Variants in MARCHF1 observed in about 807,000 individuals in gnomAD.
The protein encoded by MARCHF1 is membrane associated ring-CH-type finger 1.
A neutral mutation model predicts 54.2 loss-of-function variants in MARCHF1; 40 were observed. The observed-to-expected ratio is 0.74, with a 90% CI of 0.57 to 0.96. MARCHF1 has a LOEUF of 0.96. Among genes scored for constraint, MARCHF1 ranks in the 40% least tolerant of loss-of-function variants. The pLI is 0.00. For missense variants in MARCHF1, 586 were observed against 656.5 expected (o/e 0.89, Z 1.17); for synonymous variants, 236 against 236.3 (o/e 1.00, Z 0.01).
chr4:163,988,132 C>G, intron 3 of MARCHF1, among the ~76,000 whole-genome samples: 1 of 152,144 alleles, frequency 6.6e-6, no homozygotes, highest in Admixed American at 6.5e-5. Context: ...AACCAGCCAG[C>G]ATCACCAGTT....
chr4:164,212,085 G>A lies in MARCHF1; in HGVS notation c.-322-100423C>T, dbSNP rs370572946. On this transcript the variant is annotated intron_variant, in intron 1 of 9. Transcript: ENST00000514618. ...CTCTCAAAGTGATGATGATGATGAT[G>A]ATAAAAAATGGAAGAGGAGGATGAG... Among the ~76,000 whole-genome samples, 14 of 151,944 alleles carry A rather than the reference G, an allele frequency of 9.2e-5. No individual in the cohort carries two copies. The East Asian group carries it at 1.2e-3, about 13-fold the overall frequency.
intron 3 of MARCHF1, among the ~76,000 whole-genome samples, chr4:163,945,808 A>G (rs1338173787): frequency 6.6e-6 from 1 of 152,186 alleles, no homozygotes; most frequent in Non-Finnish European, 1.5e-5. Context: ...CAGTTTAAGA[A>G]AAAAGCTTTC....
At chr4:163,914,198 G>GA (rs1375559987) in intron 3 of MARCHF1, among the ~76,000 whole-genome samples, 1 of 151,876 alleles carries the variant, frequency 6.6e-6, no homozygotes, top group Admixed American at 6.6e-5. Flanking sequence ...AATATTCTTT[G>GA]AAAAATCACT....
At chr4:163,918,826 G>A (rs1419991736) in intron 3 of MARCHF1, among the ~76,000 whole-genome samples, 1 of 151,984 alleles carries the variant, frequency 6.6e-6, no homozygotes, top group African/African-American at 2.4e-5. Flanking sequence ...TAAGCTCTGT[G>A]AGAAAAACAA....
intron 2 of MARCHF1, among the ~76,000 whole-genome samples, chr4:164,046,669 T>A (rs963365603): frequency 3.3e-5 from 5 of 152,166 alleles, no homozygotes; most frequent in Non-Finnish European, 7.4e-5. Flanking sequence ...CACAAATACA[T>A]CAGTCCTAAA....
At chr4:163,756,254 ATTTG>A (rs1746662365) in intron 4 of MARCHF1, among the ~76,000 whole-genome samples, 2 of 152,144 alleles carry the variant, frequency 1.3e-5, no homozygotes, top group African/African-American at 2.4e-5. Context: ...ATGTAATCCT[ATTTG>A]TTTAATTCTT....
intron 2 of MARCHF1, among the ~76,000 whole-genome samples, chr4:164,072,335 T>C (rs1366278379): frequency 1.3e-5 from 2 of 152,198 alleles, no homozygotes; most frequent in Non-Finnish European, 2.9e-5. Flanking sequence ...CCTGTAATGC[T>C]AGTACTTATG....
chr4:164,030,817 C>A (rs924987347), intron 2 of MARCHF1, among the ~76,000 whole-genome samples: 1 of 152,020 alleles, frequency 6.6e-6, no homozygotes, highest in African/African-American at 2.4e-5. Context: ...GAAATTTTTA[C>A]TGAGAAGGTG....
intron 8 of MARCHF1, among the ~76,000 whole-genome samples, chr4:163,580,359 T>C (rs1394261523): frequency 6.6e-6 from 1 of 152,180 alleles, no homozygotes; most frequent in Non-Finnish European, 1.5e-5. Context: ...ATTACAGGTG[T>C]GAGCCACCGC....
intron 5 of MARCHF1, among the ~76,000 whole-genome samples, chr4:163,680,881 C>T (rs749792683): frequency 5.3e-5 from 8 of 151,888 alleles, no homozygotes; most frequent in Non-Finnish European, 1.0e-4. Context: ...TGACTCATTA[C>T]ACTGTAAATT....
chr4:163,877,358 A>T (rs1157463864), intron 3 of MARCHF1, among the ~76,000 whole-genome samples: 1 of 151,916 alleles, frequency 6.6e-6, no homozygotes, highest in Non-Finnish European at 1.5e-5. Flanking sequence ...CTCAACCCTC[A>T]TTGCACATCA....
At chr4:164,018,803 CATG>C (rs1469258515) in intron 2 of MARCHF1, among the ~76,000 whole-genome samples, 9 of 152,138 alleles carry the variant, frequency 5.9e-5, no homozygotes, top group African/African-American at 2.2e-4. Flanking sequence ...CAGAATGTGA[CATG>C]GTGGTTTTCA....
intron 1 of MARCHF1, among the ~76,000 whole-genome samples, chr4:164,378,652 C>T (rs1244312654): frequency 6.6e-6 from 1 of 152,218 alleles, no homozygotes; most frequent in African/African-American, 2.4e-5. Context: ...CCGTATCTGT[C>T]TAGCAGAGGA....
chr4:163,886,348 GAT>G (rs1286657487), intron 3 of MARCHF1, among the ~76,000 whole-genome samples: 9 of 138,598 alleles, frequency 6.5e-5, no homozygotes, highest in Admixed American at 1.5e-4. Flanking sequence ...TAGATAGATA[GAT>G]ATAGATAGAT....
At chr4:164,336,573 C>T (rs1415697541) in intron 1 of MARCHF1, among the ~76,000 whole-genome samples, 1 of 152,026 alleles carries the variant, frequency 6.6e-6, no homozygotes, top group Non-Finnish European at 1.5e-5. Flanking sequence ...TGAAAGAATA[C>T]CTTCTTTCAC....
intron 2 of MARCHF1, among the ~76,000 whole-genome samples, chr4:164,034,088 T>C (rs907453099): frequency 1.4e-5 from 2 of 138,810 alleles, no homozygotes; most frequent in African/African-American, 5.2e-5. Flanking sequence ...GATAGATAGA[T>C]AGATAGATAG....
chr4:164,348,049 T>A (rs180730540), intron 1 of MARCHF1, among the ~76,000 whole-genome samples: 1 of 152,246 alleles, frequency 6.6e-6, no homozygotes, highest in East Asian at 1.9e-4. Context: ...ATAAATTAAA[T>A]GAAAAAGAAT....
intron 2 of MARCHF1, among the ~76,000 whole-genome samples, chr4:164,045,673 G>T (rs1754227459): frequency 1.7e-5 from 2 of 118,258 alleles, no homozygotes; most frequent in Non-Finnish European, 1.7e-5. Flanking sequence ...AAATCATTCT[G>T]GCTTAGTAAA....
intron 7 of MARCHF1, among the ~76,000 whole-genome samples, chr4:163,610,329 T>C (rs1331796273): frequency 6.6e-6 from 1 of 152,094 alleles, no homozygotes; most frequent in African/African-American, 2.4e-5. Flanking sequence ...ATTTGCTTAG[T>C]TGGTATATTT....
Sources: allele counts gnomAD v4.1 joint callset (sites outside exome capture counted in the v4.1 genomes callset), GRCh38; gene constraint gnomAD v4.1.1; transcripts MANE v1.5; gene names NCBI Gene and HGNC (gene_info 2026-07-23, HGNC 2026-07-21).